Variants in LGSN observed in about 807,000 individuals in gnomAD.
LGSN encodes the protein lengsin, lens protein with glutamine synthetase domain, also known as lengsin.
A neutral mutation model predicts 19.5 loss-of-function variants in LGSN; 21 were observed. The observed-to-expected ratio is 1.07, with a 90% CI of 0.76 to 1.55. The LOEUF (loss-of-function observed/expected upper bound fraction) is 1.55. LGSN is among the 40% of genes most tolerant of loss of function. LGSN has a pLI of 0.00. For missense variants in LGSN, 673 were observed against 608.5 expected, an observed-to-expected ratio of 1.11 and a Z score of -1.12; for synonymous variants, 257 against 215.6, an observed-to-expected ratio of 1.19 and a Z score of -1.68.
At chr6:63,367,543 A>G in the LGSN span, among the ~76,000 whole-genome samples, 43 of 151,752 alleles carry the variant, frequency 2.8e-4, no homozygotes, top group East Asian at 7.0e-3. Context: ...CAATTCCTCA[A>G]GGATCTAGAA....
chr6:63,329,719 G>A, the LGSN span, among the ~76,000 whole-genome samples: 5 of 152,172 alleles, frequency 3.3e-5, no homozygotes, highest in Non-Finnish European at 5.9e-5. Context: ...GACAACAAAT[G>A]GGTAACTTTT....
chr6:63,391,394 T>C, the LGSN span, among the ~76,000 whole-genome samples: 1 of 152,204 alleles, frequency 6.6e-6, no homozygotes, highest in Admixed American at 6.5e-5. Context: ...ATAGCAGCTC[T>C]TACACTCAAC....
At chr6:63,407,976 T>C in the LGSN span, among the ~76,000 whole-genome samples, 1 of 152,092 alleles carries the variant, frequency 6.6e-6, no homozygotes, top group Non-Finnish European at 1.5e-5. Context: ...TTACAAGGGA[T>C]GTGAAGGACC....
the LGSN span, among the ~76,000 whole-genome samples, chr6:63,503,646 G>A: frequency 1.3e-5 from 2 of 152,218 alleles, no homozygotes; most frequent in Admixed American, 6.5e-5. Flanking sequence ...CAGGCACAGC[G>A]GCTCATGCCT....
chr6:63,480,874 A>G, the LGSN span, among the ~76,000 whole-genome samples: 8 of 150,224 alleles, frequency 5.3e-5, no homozygotes, highest in Admixed American at 5.3e-4. Context: ...CATAATTACA[A>G]TTCACAGCTG....
chr6:63,286,109 G>C (rs934615907), intron 2 of LGSN, among the ~76,000 whole-genome samples: 2 of 152,184 alleles, frequency 1.3e-5, no homozygotes, highest in African/African-American at 4.8e-5. Context: ...ATAAAAGCCT[G>C]TCTGTAGGTG....
the LGSN span, among the ~76,000 whole-genome samples, chr6:63,526,584 C>T: frequency 2.6e-5 from 4 of 151,572 alleles, no homozygotes; most frequent in East Asian, 3.9e-4. Flanking sequence ...CCGAGGCAGG[C>T]GGATCGCAAG....
chr6:63,477,004 G>A, the LGSN span, among the ~76,000 whole-genome samples: 13 of 152,138 alleles, frequency 8.5e-5, no homozygotes, highest in Non-Finnish European at 1.5e-5. Flanking sequence ...ACCCTTCCTA[G>A]TAGTCAAGCC....
the LGSN span, among the ~76,000 whole-genome samples, chr6:63,479,117 G>C: frequency 3.3e-5 from 5 of 152,204 alleles, no homozygotes; most frequent in Non-Finnish European, 5.9e-5. Flanking sequence ...TAACTGGTTA[G>C]ATTAGACAAC....
chr6:63,343,358 A>G, the LGSN span, among the ~76,000 whole-genome samples: 1 of 152,182 alleles, frequency 6.6e-6, no homozygotes, highest in Non-Finnish European at 1.5e-5. Flanking sequence ...ATCACTTTGA[A>G]TTATATGTTT....
At chr6:63,401,455 A>C in the LGSN span, among the ~76,000 whole-genome samples, 1 of 152,132 alleles carries the variant, frequency 6.6e-6, no homozygotes, top group South Asian at 2.1e-4. Flanking sequence ...AAAGTTAATA[A>C]TTAATAAATA....
the LGSN span, among the ~76,000 whole-genome samples, chr6:63,527,140 A>C: frequency 6.6e-6 from 1 of 152,076 alleles, no homozygotes; most frequent in African/African-American, 2.4e-5. Flanking sequence ...TACTCAACAC[A>C]TGTTGGAACT....
chr6:63,332,161 CT>C, the LGSN span, among the ~76,000 whole-genome samples: 14 of 152,242 alleles, frequency 9.2e-5, 1 homozygote, highest in Admixed American at 9.2e-4. Flanking sequence ...TATGACAGGG[CT>C]TTGGGCAAAA....
the LGSN span, among the ~76,000 whole-genome samples, chr6:63,432,169 GAA>G: frequency 3.4e-5 from 3 of 88,144 alleles, no homozygotes; most frequent in African/African-American, 1.6e-4. Context: ...AAGAAAGAAA[GAA>G]AAGGAAAGAA....
At chr6:63,534,445 A>C in the LGSN span, among the ~76,000 whole-genome samples, 1 of 128,686 alleles carries the variant, frequency 7.8e-6, no homozygotes, top group East Asian at 2.2e-4. Flanking sequence ...CACCACACAC[A>C]CAGAGAAACA....
the LGSN span, among the ~76,000 whole-genome samples, chr6:63,473,472 TAAAAAA>T: frequency 2.0e-4 from 12 of 59,374 alleles, no homozygotes; most frequent in South Asian, 9.0e-3. Flanking sequence ...ACACTCTGTC[TAAAAAA>T]AAAAAAAAAA....
At chr6:63,399,765 A>G in the LGSN span, among the ~76,000 whole-genome samples, 7 of 151,878 alleles carry the variant, frequency 4.6e-5, no homozygotes, top group African/African-American at 1.7e-4. Context: ...GCACAATCAT[A>G]GCTCACTGCA....
At chr6:63,337,324 A>G in the LGSN span, among the ~76,000 whole-genome samples, 1 of 151,836 alleles carries the variant, frequency 6.6e-6, no homozygotes, top group African/African-American at 2.4e-5. Flanking sequence ...TTAGCCAGGC[A>G]TGGTGGCATA....
intron 1 of LGSN, among the ~76,000 whole-genome samples, chr6:63,317,795 C>A (rs1419112793): frequency 6.6e-6 from 1 of 152,130 alleles, no homozygotes; most frequent in Non-Finnish European, 1.5e-5. Context: ...TCTGACTTCA[C>A]CCCAGATGGC....
Sources: gnomAD v4.1 joint callset for allele counts (sites outside exome capture counted in the v4.1 genomes callset) on GRCh38, gnomAD v4.1.1 for gene constraint, MANE v1.5 for transcripts, NCBI Gene and HGNC (gene_info 2026-07-23, HGNC 2026-07-21) for gene names.